LSS: variants seen among roughly 807,000 people sequenced by gnomAD.
The protein encoded by LSS is 2,3-epoxysqualene-lanosterol cyclase.
LSS carries 90 observed loss-of-function variants against 110.3 expected under a neutral mutation model. The observed-to-expected ratio is 0.82, with a 90% confidence interval of 0.69 to 0.97. LSS has a LOEUF of 0.97. LSS is among the 50% of genes least tolerant of loss of function. The pLI, the probability that LSS is intolerant of heterozygous loss-of-function variation, is 0.00. For synonymous variants in LSS, 433 were observed against 400.0 expected, an observed-to-expected ratio of 1.08 and a Z score of -0.98; for missense variants, 927 against 990.0, an observed-to-expected ratio of 0.94 and a Z score of 0.85.
chr21:46,191,886 G>T lies in LSS; in HGVS notation c.2062C>A (p.Pro688Thr), dbSNP rs2079820929. 1 of 1,612,822 alleles carries T rather than the reference G, an allele frequency of 6.2e-7. No homozygotes were observed. Among genetic ancestry groups the T allele is most frequent in the Non-Finnish European group, 8.5e-7 (1 of 1,179,598 alleles). The change falls in exon 21 of 22, where the codon CCG becomes ACG. Residue 688 changes from proline to threonine, a missense_variant. Coordinates refer to ENST00000397728, the MANE Select transcript of LSS (RefSeq NM_002340.6). The part of the protein sequence containing the change: ...LEKQLPNGDW[P>T]QENIAGVFNK... ...TCAGGTCCCTGGCGGCATACCTGCG[G>T]CCAGTCGCCATTGGGGAGCTGTTTC...
chr21:46,226,640 G>A (rs1029289939), intron 3 of LSS, among the ~76,000 whole-genome samples: 1 of 152,196 alleles, frequency 6.6e-6, no homozygotes, highest in Non-Finnish European at 1.5e-5. Flanking sequence ...AAGAAGAACA[G>A]GCCTTGAGCA....
chr21:46,209,751 C>T lies in LSS; in HGVS notation c.1195-126G>A. On this transcript the variant is annotated intron_variant, in intron 12 of 21. Coordinates refer to ENST00000397728, the MANE Select transcript of LSS (RefSeq NM_002340.6). This position sits in a 1 kb window ranked among gnomAD's most constrained non-coding sequence, Gnocchi z 4.4. ...GGACCAGAATCAAACCAGCAGACAT[C>T]TCCAGAGAGTGCCAGGGTCTCCTGC... The T allele has an allele frequency of 1.4e-6, 1 of 736,520 alleles. No homozygotes were observed. Among genetic ancestry groups the T allele is most frequent in the Non-Finnish European group, 2.3e-6 (1 of 432,834 alleles). 45.6% of individuals were successfully genotyped at this position (736,520 alleles called of 1,614,324 possible).
chr21:46,214,723 A>G (rs1163654521), intron 9 of LSS, among the ~76,000 whole-genome samples: 1 of 152,168 alleles, frequency 6.6e-6, no homozygotes, highest in African/African-American at 2.4e-5. Flanking sequence ...CAGAGGTGAG[A>G]GCTCCAAGTC....
At chr21:46,218,485 G>C (rs572132087) in intron 6 of LSS, among the ~76,000 whole-genome samples, 4 of 151,930 alleles carry the variant, frequency 2.6e-5, no homozygotes, top group Admixed American at 6.6e-5. Context: ...TTAGCTGGGC[G>C]TGATGGCCTG....
Position 46,207,412 on chromosome 21 carries a change from G to A in LSS, c.1467+16C>T, listed in dbSNP as rs1239015425. On this transcript the variant is annotated intron_variant, in intron 15 of 21. Transcript: ENST00000397728. The stretch of plus-strand genomic sequence containing the variant: ...GACACGAGGTATGGACGGGGCTGCT[G>A]GGACCACAGCCTTACCACAGCCACA... 3 of 1,610,406 alleles carry A rather than the reference G, an allele frequency of 1.9e-6. No individual in the cohort carries two copies. The highest frequency in any genetic ancestry group is 1.7e-5 in the Admixed American group (1 of 59,688).
intron 17 of LSS, among the ~76,000 whole-genome samples, chr21:46,198,405 C>A (rs535732337): frequency 6.6e-6 from 1 of 152,234 alleles, no homozygotes; most frequent in East Asian, 1.9e-4. Flanking sequence ...TGTACAAGAT[C>A]TATATATGAT....
Position 46,189,276 on chromosome 21 carries a change from G to A in LSS, c.*1828C>T. 1 of 229,090 alleles carries A rather than the reference G, an allele frequency of 4.4e-6. No homozygotes were observed. 14.2% of individuals were successfully genotyped at this position (229,090 alleles called of 1,614,324 possible). A position where few individuals can be genotyped will look rare whatever the true frequency, so the allele number is the denominator to read the frequency against. On this transcript the variant is annotated 3_prime_UTR_variant, in exon 22 of 22. Transcript: ENST00000397728. ...ATGGCTAGGAGTCCCAGGGACAGCA[G>A]CCTCTGCTCAGGGCAGACTCTGTGA...
Position 46,210,683 on chromosome 21 carries a change from C to G in LSS, c.1194+5G>C. 1 of 1,613,838 alleles carries G rather than the reference C, an allele frequency of 6.2e-7. No individual in the cohort carries two copies. Among genetic ancestry groups the G allele is most frequent in the Non-Finnish European group, 8.5e-7 (1 of 1,179,982 alleles). ...GAGGCTGAGAAAAGAGAAGGAGCCA[C>G]GAACCTCAAGCAGAGCCTGGATGGC... On this transcript the variant is annotated splice_donor_5th_base_variant and intron_variant, in intron 12 of 21. Transcript: ENST00000397728.
Position 46,215,001 on chromosome 21 carries a change from G to A in LSS, c.1011+179C>T, listed in dbSNP as rs73144753. 0.17 allele frequency among the ~76,000 whole-genome samples: 26,198 copies of A among 151,952 alleles called. 2,707 individuals carry two copies. Among genetic ancestry groups the A allele is most frequent in the Non-Finnish European group, 0.23 (15,321 of 67,878 alleles). On this transcript the variant is annotated intron_variant, in intron 9 of 21. Transcript: ENST00000397728. The stretch of plus-strand genomic sequence containing the variant: ...GTGGGGCAACTTCACTGAGCTGGGC[G>A]TGCAGGGGTCCAGGACAGAAGCCCT...
At chr21:46,223,556 T>A (rs1206578164) in intron 3 of LSS, among the ~76,000 whole-genome samples, 1 of 152,262 alleles carries the variant, frequency 6.6e-6, no homozygotes, top group Non-Finnish European at 1.5e-5. Flanking sequence ...GGACACGAGC[T>A]GTTCCAGTAT....
At chr21:46,218,568 G>C (rs1412210212) in intron 6 of LSS, among the ~76,000 whole-genome samples, 2 of 151,948 alleles carry the variant, frequency 1.3e-5, no homozygotes, top group African/African-American at 4.8e-5. Flanking sequence ...AGGTTGCAGT[G>C]ACCCCAAATC....
At chr21:46,198,613 G>A (rs539048847) in intron 17 of LSS, among the ~76,000 whole-genome samples, 3 of 152,142 alleles carry the variant, frequency 2.0e-5, no homozygotes, top group East Asian at 1.9e-4. Context: ...GAACAGGGGC[G>A]GTAACTGACT....
Position 46,195,698 on chromosome 21 carries a change from T to C in LSS, c.1795A>G (p.Met599Val). 1 of 1,613,404 alleles carries C rather than the reference T, an allele frequency of 6.2e-7. No individual in the cohort carries two copies. Among genetic ancestry groups the C allele is most frequent in the Non-Finnish European group, 8.5e-7 (1 of 1,179,922 alleles). ...TWFGLEAFAC[M>V]GQTYRDGTAC... ...CACCCATCTCGGTAGGTCTGCCCCATACAGGCGAAGGCCTCCAGGCCAAAC... is the reference window on the plus strand; with the variant it reads ...CACCCATCTCGGTAGGTCTGCCCCACACAGGCGAAGGCCTCCAGGCCAAAC... The change falls in exon 19 of 22, where the codon ATG (methionine) becomes GTG (valine). Residue 599 changes from methionine to valine, a missense_variant. Physicochemically the swap from Met to Val is conservative, Grantham distance 21. Coordinates refer to ENST00000397728, the MANE Select transcript of LSS (RefSeq NM_002340.6).
intron 20 of LSS, 83 bp from the exon 21 acceptor site, chr21:46,192,042 G>A (rs1399552764): frequency 2.9e-6 from 3 of 1,046,148 alleles, no homozygotes; most frequent in African/African-American, 1.6e-5. Flanking sequence ...GAGCATAAGG[G>A]CAAACCCTGG....
chr21:46,221,087 G>C (rs996898376), intron 5 of LSS, among the ~76,000 whole-genome samples: 1 of 147,468 alleles, frequency 6.8e-6, no homozygotes, highest in African/African-American at 2.5e-5. Context: ...GGGGCTTGGA[G>C]AGGTAAGACA....
chr21:46,214,575 C>T (rs1435944786), intron 9 of LSS, among the ~76,000 whole-genome samples: 6 of 152,186 alleles, frequency 3.9e-5, no homozygotes, highest in Admixed American at 2.6e-4. Flanking sequence ...AGCAGCTACG[C>T]GCACAGCTAT....
intron 17 of LSS, among the ~76,000 whole-genome samples, chr21:46,203,856 G>T (rs2080011854): frequency 6.6e-6 from 1 of 152,238 alleles, no homozygotes; most frequent in Non-Finnish European, 1.5e-5. Context: ...AACACTTTTA[G>T]TATCTGTGCT....
intron 21 of LSS, 78 bp downstream of exon 21, chr21:46,191,803 A>T: frequency 8.1e-7 from 1 of 1,233,796 alleles, no homozygotes; most frequent in Non-Finnish European, 1.2e-6. Context: ...AAGGACACAG[A>T]GCAGGGGGAC....
Position 46,222,033 on chromosome 21 carries a change from A to T in LSS, c.429-58T>A, listed in dbSNP as rs2080285915. ...ATCTGTCCTTACTTCTAAGAAATAAAGCAAAACTTTCTGTGGAGTTTCCTC... is the reference window on the plus strand; with the variant it reads ...ATCTGTCCTTACTTCTAAGAAATAATGCAAAACTTTCTGTGGAGTTTCCTC... On this transcript the variant is annotated intron_variant, in intron 4 of 21. Transcript: ENST00000397728. 3 of 1,592,576 alleles carry T rather than the reference A, an allele frequency of 1.9e-6. No individual in the cohort carries two copies. In the East Asian group the frequency reaches 6.7e-5, roughly 36 times the overall value.
Sources: gnomAD v4.1 joint callset for allele counts (sites outside exome capture counted in the v4.1 genomes callset) on GRCh38, gnomAD v4.1.1 for gene constraint, Gnocchi (gnomAD v3.1) non-coding constraint, MANE v1.5 for transcripts, NCBI Gene and HGNC (gene_info 2026-07-23, HGNC 2026-07-21) for gene names.